DIS3L2: variants seen among roughly 807,000 people sequenced by gnomAD.
DIS3L2 encodes the protein DIS3 like 3'-5' exoribonuclease 2.
A neutral mutation model predicts 97.5 loss-of-function variants in DIS3L2; 34 were observed. The observed-to-expected ratio is 0.35, with a 90% CI of 0.27 to 0.46. The LOEUF is 0.46. Among genes scored for constraint, DIS3L2 ranks in the 20% least tolerant of loss-of-function variants. The probability of loss-of-function intolerance (pLI) is 1.00; values close to 1 mark genes in which losing one functional copy is unlikely to be tolerated. For synonymous variants in DIS3L2, 435 were observed against 445.2 expected (o/e 0.98, Z 0.29); for missense variants, 1,038 against 1,146.0 (o/e 0.91, Z 1.36).
chr2:232,220,112 AAAATAAATAAATAAATAAATAAAT>A (rs59785632), intron 10 of DIS3L2, among the ~76,000 whole-genome samples: 1,772 of 139,158 alleles, frequency 0.013, 21 homozygotes, highest in Non-Finnish European at 0.018. Context: ...TCTCTACAGA[AAAATAAATAAATAAATAAATAAAT>A]AAATAAATAA....
rs148019328 is a variant in DIS3L2 at position 232,272,442 on chromosome 2, G to A, written c.1659+9002G>A. ...ATCGCAAACCCGATGGTTATTTGGT[G>A]GGATGGGATTAGGGAAAGAAGGCCA... is the stretch of plus-strand genomic sequence containing the variant. On this transcript the variant is annotated intron_variant, in intron 13 of 20. Transcript: ENST00000325385. Among the ~76,000 whole-genome samples the A allele has an allele frequency of 5.3e-3, 808 of 152,296 alleles. 11 individuals carry two copies. The highest frequency in any genetic ancestry group is 0.018 in the African/African-American group (745 of 41,546).
At chr2:232,311,572 AAATAAAT>A (rs1559206543) in intron 14 of DIS3L2, among the ~76,000 whole-genome samples, 1 of 152,202 alleles carries the variant, frequency 6.6e-6, no homozygotes, top group African/African-American at 2.4e-5. Flanking sequence ...TTTTATTTAA[AAATAAAT>A]AATAAATAGA....
chr2:232,299,446 G>C (rs1406549300), intron 13 of DIS3L2, among the ~76,000 whole-genome samples: 1 of 152,142 alleles, frequency 6.6e-6, no homozygotes, highest in Non-Finnish European at 1.5e-5. Context: ...GGATCTATCA[G>C]CGCCCAACTT....
chr2:232,309,950 T>G (rs1027604366), intron 14 of DIS3L2, among the ~76,000 whole-genome samples: 1 of 152,218 alleles, frequency 6.6e-6, no homozygotes, highest in Non-Finnish European at 1.5e-5. Flanking sequence ...CCCTGCTTGG[T>G]TCTTTGCCTT....
chr2:232,060,256 G>A (rs184682987), intron 5 of DIS3L2, among the ~76,000 whole-genome samples: 16 of 152,050 alleles, frequency 1.1e-4, no homozygotes, highest in East Asian at 3.9e-4. Flanking sequence ...CCATTTGTCC[G>A]TTTTTGCTTT....
intron 1 of DIS3L2, among the ~76,000 whole-genome samples, chr2:231,974,795 T>C (rs1009847829): frequency 3.9e-5 from 6 of 152,170 alleles, no homozygotes; most frequent in African/African-American, 1.4e-4. Flanking sequence ...GGATGTATTA[T>C]AATCTTCTGA....
At chr2:232,088,525 G>T (rs1035478717) in intron 6 of DIS3L2, among the ~76,000 whole-genome samples, 5 of 151,194 alleles carry the variant, frequency 3.3e-5, no homozygotes, top group Admixed American at 1.3e-4. Context: ...TTGTGCCACT[G>T]CACTCCAGCC....
At chr2:232,106,360 A>T (rs1257152973) in intron 6 of DIS3L2, among the ~76,000 whole-genome samples, 1 of 152,214 alleles carries the variant, frequency 6.6e-6, no homozygotes, top group Non-Finnish European at 1.5e-5. Context: ...TTTTAAAGGG[A>T]TGGAGGAAGA....
intron 6 of DIS3L2, among the ~76,000 whole-genome samples, chr2:232,115,067 A>C (rs1217029576): frequency 6.6e-6 from 1 of 152,092 alleles, no homozygotes; most frequent in Admixed American, 6.6e-5. Context: ...ATGATAACCC[A>C]TTAATCCATT....
At chr2:232,075,818 T>C (rs926048380) in intron 5 of DIS3L2, among the ~76,000 whole-genome samples, 1 of 152,236 alleles carries the variant, frequency 6.6e-6, no homozygotes, top group East Asian at 1.9e-4. Context: ...TGTACTGTTA[T>C]TATTAAATCC....
At chr2:232,046,822 A>T (rs1396265192) in intron 5 of DIS3L2, among the ~76,000 whole-genome samples, 3 of 149,456 alleles carry the variant, frequency 2.0e-5, no homozygotes, top group African/African-American at 5.1e-5. Context: ...TTATTTATTT[A>T]TTATTATTAT....
intron 9 of DIS3L2, among the ~76,000 whole-genome samples, chr2:232,202,863 G>T (rs1221180461): frequency 6.6e-6 from 1 of 152,234 alleles, no homozygotes; most frequent in East Asian, 1.9e-4. Flanking sequence ...ACAGTATTAT[G>T]ATATTGGCAA....
chr2:231,998,397 C>G (rs1693787437), intron 1 of DIS3L2, among the ~76,000 whole-genome samples: 1 of 152,144 alleles, frequency 6.6e-6, no homozygotes, highest in African/African-American at 2.4e-5. Flanking sequence ...CTTAATGATC[C>G]CACCTGTTAA....
At chr2:232,166,072 CAATAAATAAATAAATAAATAAATA>C (rs111484613) in intron 9 of DIS3L2, among the ~76,000 whole-genome samples, 2 of 138,084 alleles carry the variant, frequency 1.4e-5, no homozygotes, top group Non-Finnish European at 3.1e-5. Context: ...CCTGTCTCTA[CAATAAATAAATAAATAAATAAATA>C]AATAAATAAA....
At chr2:232,192,768 T>C (rs903307994) in intron 9 of DIS3L2, among the ~76,000 whole-genome samples, 1 of 152,200 alleles carries the variant, frequency 6.6e-6, no homozygotes, top group Non-Finnish European at 1.5e-5. Flanking sequence ...TTTCCACAGC[T>C]GTTGCATTAA....
intron 8 of DIS3L2, 69 bp downstream of exon 8, chr2:232,136,788 A>G: frequency 6.5e-7 from 1 of 1,544,708 alleles, no homozygotes; most frequent in Non-Finnish European, 8.8e-7. Context: ...CTTTAGGTAA[A>G]CTTTTTGTGT....
At chr2:232,086,286 TATATGTATACATATATAC>T (rs1260897532) in intron 5 of DIS3L2, among the ~76,000 whole-genome samples, 27 of 146,552 alleles carry the variant, frequency 1.8e-4, no homozygotes, top group African/African-American at 5.5e-4. Context: ...CATATACGTA[TATATGTATACATATATAC>T]ATATGTATAT....
At chr2:232,270,898 CTCTCTCTCTCTCTCTCTG>C (rs1559185267) in intron 13 of DIS3L2, among the ~76,000 whole-genome samples, 1 of 147,194 alleles carries the variant, frequency 6.8e-6, no homozygotes, top group Non-Finnish European at 1.5e-5. Flanking sequence ...CTCTCTCTCT[CTCTCTCTCTCTCTCTCTG>C]TCTCGTCTCT....
intron 9 of DIS3L2, among the ~76,000 whole-genome samples, chr2:232,194,391 C>G (rs1183594606): frequency 1.3e-5 from 2 of 151,994 alleles, no homozygotes; most frequent in Admixed American, 6.6e-5. Flanking sequence ...TACTGTGAAT[C>G]TACAAAAATC....
Sources: allele counts gnomAD v4.1 joint callset (sites outside exome capture counted in the v4.1 genomes callset), GRCh38; gene constraint gnomAD v4.1.1; transcripts MANE v1.5; gene names NCBI Gene and HGNC (gene_info 2026-07-23, HGNC 2026-07-21).